Variants in RPS6KA2 observed in about 807,000 individuals in gnomAD.
RPS6KA2 encodes the protein ribosomal protein S6 kinase alpha-2.
RPS6KA2 carries 42 observed loss-of-function variants against 91.8 expected under a neutral mutation model. That is an observed-to-expected ratio of 0.46 (90% CI 0.36 to 0.59). The LOEUF is 0.59. RPS6KA2 is among the 20% of genes least tolerant of loss of function. RPS6KA2 has a pLI of 0.00. For synonymous variants in RPS6KA2, 414 were observed against 393.6 expected (o/e 1.05, Z -0.61); for missense variants, 798 against 978.5 (o/e 0.82, Z 2.46).
chr6:166,660,705 A>G (rs1046057411), intron 2 of RPS6KA2, among the ~76,000 whole-genome samples: 7 of 152,204 alleles, frequency 4.6e-5, no homozygotes, highest in Non-Finnish European at 8.8e-5. Context: ...CAGCCTTTAC[A>G]GTATGTGCTG....
chr6:166,423,252 T>G lies in RPS6KA2; in HGVS notation c.1743+4A>C. The G allele has an allele frequency of 6.2e-7, 1 of 1,605,008 alleles. No homozygotes were observed. Among genetic ancestry groups the G allele is most frequent in the Non-Finnish European group, 8.5e-7 (1 of 1,173,206 alleles). ...GCCTGGGTCTGCAGTCGGGGAATGC[T>G]CACCTCCGGGGCCACGAAATTGGCC... is the stretch of plus-strand genomic sequence containing the variant. On this transcript the variant is annotated splice_donor_region_variant and intron_variant, in intron 17 of 20. Transcript: ENST00000265678. The surrounding 1 kb of genome is among the most constrained non-coding windows in gnomAD (Gnocchi z 4.8).
intron 1 of RPS6KA2, among the ~76,000 whole-genome samples, chr6:166,609,839 T>C (rs1330325809): frequency 1.3e-5 from 2 of 152,212 alleles, no homozygotes; most frequent in African/African-American, 2.4e-5. Context: ...TAGTGTCAAG[T>C]ATATTTTATT....
chr6:166,699,685 G>A (rs1167163505), intron 2 of RPS6KA2, among the ~76,000 whole-genome samples: 3 of 152,160 alleles, frequency 2.0e-5, no homozygotes, highest in African/African-American at 7.2e-5. Flanking sequence ...TCAAGTTAAG[G>A]AGTGAGCAAA....
At chr6:166,471,856 T>C (rs1048971494) in intron 10 of RPS6KA2, among the ~76,000 whole-genome samples, 1 of 152,244 alleles carries the variant, frequency 6.6e-6, no homozygotes, top group Non-Finnish European at 1.5e-5. Flanking sequence ...GTCCCCAGTC[T>C]AGCTCCCTTG....
intron 1 of RPS6KA2, among the ~76,000 whole-genome samples, chr6:166,556,197 C>G (rs1784172683): frequency 1.3e-5 from 2 of 152,212 alleles, no homozygotes; most frequent in Admixed American, 6.5e-5. Flanking sequence ...GTGGCTCTCT[C>G]CTGTGCAAGA....
intron 14 of RPS6KA2, among the ~76,000 whole-genome samples, chr6:166,443,678 A>G (rs779861298): frequency 6.6e-6 from 1 of 152,164 alleles, no homozygotes; most frequent in Non-Finnish European, 1.5e-5. Flanking sequence ...TGCTGAATCT[A>G]TGTTTGTTTA....
chr6:166,676,418 C>T (rs1026902233), intron 2 of RPS6KA2, among the ~76,000 whole-genome samples: 1 of 152,200 alleles, frequency 6.6e-6, no homozygotes, highest in Non-Finnish European at 1.5e-5. Context: ...GCCGGTCTCC[C>T]CTAGAAAGTG....
intron 1 of RPS6KA2, among the ~76,000 whole-genome samples, chr6:166,566,319 A>G (rs1023971549): frequency 2.6e-5 from 4 of 152,210 alleles, no homozygotes; most frequent in African/African-American, 9.6e-5. Context: ...GCTCCTTGGC[A>G]TCTCCAAAGG....
chr6:166,498,744 G>C, intron 7 of RPS6KA2, 94 bp from the exon 8 acceptor site: 1 of 1,502,362 alleles, frequency 6.7e-7, no homozygotes, highest in Non-Finnish European at 9.1e-7. Flanking sequence ...TGTGGGCTCT[G>C]CCCCCTCTCC....
At chr6:166,489,834 G>A (rs893498397) in intron 9 of RPS6KA2, among the ~76,000 whole-genome samples, 1 of 152,078 alleles carries the variant, frequency 6.6e-6, no homozygotes, top group Admixed American at 6.5e-5. Context: ...GGTGTTTTAG[G>A]TGATTCTCAA....
chr6:166,470,533 C>G (rs1780724542), intron 10 of RPS6KA2, among the ~76,000 whole-genome samples: 1 of 152,212 alleles, frequency 6.6e-6, no homozygotes, highest in Admixed American at 6.5e-5. Context: ...TTGTTGCGTA[C>G]AATCCTAAGG....
chr6:166,796,409 T>A (rs1362697496), intron 2 of RPS6KA2, among the ~76,000 whole-genome samples: 1 of 152,056 alleles, frequency 6.6e-6, no homozygotes, highest in Non-Finnish European at 1.5e-5. Context: ...GCCAACATGA[T>A]AAAACCCTGT....
At chr6:166,479,485 A>G (rs898409530) in intron 10 of RPS6KA2, among the ~76,000 whole-genome samples, 1 of 152,190 alleles carries the variant, frequency 6.6e-6, no homozygotes, top group Non-Finnish European at 1.5e-5. Flanking sequence ...CCCGAAGAGC[A>G]TGGTGAGTGG....
chr6:166,522,672 C>T (rs1048715938), intron 3 of RPS6KA2, among the ~76,000 whole-genome samples: 7 of 152,196 alleles, frequency 4.6e-5, no homozygotes, highest in Admixed American at 6.5e-5. Context: ...AATTATATCC[C>T]GAGCAGTCTC....
rs923275765 is a variant in RPS6KA2, at chr6:166,445,238, G to T, written c.1332+3486C>A. On this transcript the variant is annotated intron_variant, in intron 14 of 20. Coordinates refer to ENST00000265678, the MANE Select transcript of RPS6KA2 (RefSeq NM_021135.6). This position sits in a 1 kb window ranked among gnomAD's most constrained non-coding sequence, Gnocchi z 4.5. ...GGCCCAGTCACAGTGGGGTGGGGGT[G>T]GGGGGCTGCCCGCAGCACGTGGGGA... Among the ~76,000 whole-genome samples, 1 of 152,066 alleles carries T rather than the reference G, an allele frequency of 6.6e-6. No homozygotes were observed. Among genetic ancestry groups the T allele is most frequent in the Admixed American group, 6.5e-5 (1 of 15,270 alleles).
intron 12 of RPS6KA2, among the ~76,000 whole-genome samples, chr6:166,453,365 C>G (rs1779980241): frequency 6.6e-6 from 1 of 151,976 alleles, no homozygotes; most frequent in Admixed American, 6.6e-5. Context: ...TCGAACAACT[C>G]AACAACAACA....
intron 12 of RPS6KA2, among the ~76,000 whole-genome samples, chr6:166,452,518 AT>A (rs1779950950): frequency 1.3e-5 from 2 of 152,212 alleles, no homozygotes; most frequent in South Asian, 4.1e-4. Flanking sequence ...AGCCAAAGCA[AT>A]TTTAAGCAAA....
intron 2 of RPS6KA2, among the ~76,000 whole-genome samples, chr6:166,850,827 C>A (rs61682277): frequency 0.027 from 4,085 of 152,178 alleles, 190 homozygotes; most frequent in African/African-American, 0.093. Flanking sequence ...ACGTGGCCAG[C>A]ACCCTCTGTG....
chr6:166,545,284 T>C (rs1296381538), intron 1 of RPS6KA2, among the ~76,000 whole-genome samples: 1 of 152,208 alleles, frequency 6.6e-6, no homozygotes, highest in Non-Finnish European at 1.5e-5. Flanking sequence ...TGTTTTCTCA[T>C]CCATCCTAGA....
Sources: gnomAD v4.1 joint callset for allele counts (sites outside exome capture counted in the v4.1 genomes callset) on GRCh38, gnomAD v4.1.1 for gene constraint, Gnocchi (gnomAD v3.1) non-coding constraint, MANE v1.5 for transcripts, NCBI Gene and HGNC (gene_info 2026-07-23, HGNC 2026-07-21) for gene names.